The following CETP variants were observed in gnomAD, a reference collection of about 807,000 sequenced individuals.
The protein encoded by CETP is cholesteryl ester transfer protein.
In CETP, 56 loss-of-function variants were observed where a neutral mutation model predicts 66.5. The ratio of observed to expected loss-of-function variants is 0.84; its 90% CI spans 0.68 to 1.05. The LOEUF is 1.05. CETP is among the 50% of genes least tolerant of loss of function. CETP has a pLI of 0.00. For synonymous variants in CETP, 251 were observed against 245.7 expected (o/e 1.02, Z -0.20); for missense variants, 612 against 609.6 (o/e 1.00, Z -0.04).
chr16:56,964,657 C>T (rs2056052921), intron 2 of CETP, among the ~76,000 whole-genome samples: 1 of 151,860 alleles, frequency 6.6e-6, no homozygotes, highest in Admixed American at 6.5e-5. Context: ...GTCTCTGCTA[C>T]CCGCGCACAT....
chr16:56,983,523 C>A lies in CETP; in HGVS notation c.1408-69C>A, dbSNP rs1778057560. 2.5e-6 allele frequency: 4 copies of A among 1,596,074 alleles called. No individual in the cohort carries two copies. In the African/African-American group the frequency reaches 4.0e-5, roughly 16 times the overall value. ...AGACAGACAGAGGGGCCTCTACCAG[C>A]TTGGCTCCCTCCTGGTGGCCTGGGA... is the stretch of plus-strand genomic sequence containing the variant. On this transcript the variant is annotated intron_variant, in intron 15 of 15. Transcript: ENST00000200676.
intron 10 of CETP, among the ~76,000 whole-genome samples, chr16:56,976,457 A>G (rs2056150606): frequency 6.7e-6 from 1 of 150,336 alleles, no homozygotes; most frequent in African/African-American, 2.4e-5. Context: ...AGCTCTAGAA[A>G]TTTCTTTTCT....
chr16:56,963,209 A>T, intron 2 of CETP, 85 bp downstream of exon 2: 1 of 1,089,152 alleles, frequency 9.2e-7, no homozygotes, highest in Non-Finnish European at 1.4e-6. Flanking sequence ...CACAGGGAGG[A>T]AAGGCAGCAG....
rs766037201 is a variant in CETP, at chr16:56,969,967, C to T, written c.493C>T (p.His165Tyr). The change falls in exon 5 of 16, where the codon CAT becomes TAT. Residue 165 changes from histidine (H) to tyrosine (Y), a missense_variant. His to Tyr is a moderately conservative substitution (Grantham distance 83). Transcript: ENST00000200676. ...TGCCCCTGACTGCTACCTGTCTTTC[C>T]ATAAGCTGCTCCTGCATCTCCAAGG... ...TDAPDCYLSF[H>Y]KLLLHLQGER... 1 of 1,614,098 alleles carries T rather than the reference C, an allele frequency of 6.2e-7. No individual in the cohort carries two copies.
At chr16:56,972,395 C>A (rs1238069696) in intron 8 of CETP, among the ~76,000 whole-genome samples, 1 of 152,236 alleles carries the variant, frequency 6.6e-6, no homozygotes, top group South Asian at 2.1e-4. Flanking sequence ...TGGCCCCCCC[C>A]CAGGGGGTAC....
At chr16:56,981,766 T>G in intron 13 of CETP, 86 bp downstream of exon 13, 1 of 1,368,250 alleles carries the variant, frequency 7.3e-7, no homozygotes. Flanking sequence ...CTAAAGGAAA[T>G]CAGGCAACCA....
chr16:56,970,099 G>C, intron 5 of CETP, 98 bp downstream of exon 5: 1 of 1,194,422 alleles, frequency 8.4e-7, no homozygotes, highest in Non-Finnish European at 1.2e-6. Flanking sequence ...GGGCATGCTT[G>C]TGGGTGGCCA....
chr16:56,971,874 A>T, intron 7 of CETP, 118 bp from the exon 8 acceptor site: 1 of 892,502 alleles, frequency 1.1e-6, no homozygotes, highest in South Asian at 1.3e-5. Flanking sequence ...CCCAGGTCCC[A>T]CTTTACAGAG....
intron 9 of CETP, among the ~76,000 whole-genome samples, chr16:56,973,855 C>T (rs1274174485): frequency 6.6e-6 from 1 of 152,220 alleles, no homozygotes. Context: ...GCTCACAACT[C>T]TAAGGGGGTC....
chr16:56,972,713 C>T (rs1319373281), intron 8 of CETP, among the ~76,000 whole-genome samples: 1 of 152,194 alleles, frequency 6.6e-6, no homozygotes, highest in East Asian at 1.9e-4. Flanking sequence ...GCAAGGGAAA[C>T]TGAGGAATTT....
At chr16:56,968,393 G>T (rs1304075906) in intron 2 of CETP, among the ~76,000 whole-genome samples, 1 of 152,000 alleles carries the variant, frequency 6.6e-6, no homozygotes, top group Non-Finnish European at 1.5e-5. Context: ...CACCATGTTG[G>T]CCAGGCTGGT....
At chr16:56,969,284 C>A in intron 2 of CETP, 102 bp from the exon 3 acceptor site, 1 of 1,477,924 alleles carries the variant, frequency 6.8e-7, no homozygotes, top group Non-Finnish European at 9.4e-7. Flanking sequence ...TTTTGGGGGC[C>A]ATGATTCTAT....
At chr16:56,962,487 G>A in intron 1 of CETP, 1 of 441,266 alleles carries the variant, frequency 2.3e-6, no homozygotes. Flanking sequence ...GTCAGGGGTT[G>A]CCATGAGCTC....
At position 56,983,344 on chromosome 16, in the gene CETP, C is replaced by T. The variant is rs2056201767; in HGVS notation, c.1340C>T (p.Thr447Ile). 1.9e-6 allele frequency: 3 copies of T among 1,614,202 alleles called. No homozygotes were observed. The highest frequency in any genetic ancestry group is 2.5e-6 in the Non-Finnish European group (3 of 1,180,002). ...EVMSRLEVVF[T>I]ALMNSKGVSL... Reference sequence around the variant, plus strand: ...GCCCCAGGGCTCGAGGTAGTGTTTACAGCCCTCATGAACAGCAAAGGCGTG... The same window carrying T: ...GCCCCAGGGCTCGAGGTAGTGTTTATAGCCCTCATGAACAGCAAAGGCGTG... Residue 447 changes from threonine (T) to isoleucine (I), a missense_variant, in exon 15 of 16, where the codon ACA (threonine) becomes ATA (isoleucine). Coordinates refer to ENST00000200676, the MANE Select transcript of CETP (RefSeq NM_000078.3).
At chr16:56,980,890 C>G (rs2056182411) in intron 11 of CETP, among the ~76,000 whole-genome samples, 2 of 152,162 alleles carry the variant, frequency 1.3e-5, no homozygotes, top group African/African-American at 4.8e-5. Context: ...CCACTGCCCT[C>G]CAGCCTGGGC....
chr16:56,972,365 T>C (rs1266450156), intron 8 of CETP, among the ~76,000 whole-genome samples: 5 of 146,206 alleles, frequency 3.4e-5, no homozygotes, highest in Non-Finnish European at 7.5e-5. Context: ...GCTTCTGTCA[T>C]CCTCTACAGC....
At position 56,983,654 on chromosome 16, in the gene CETP, G is replaced by A. The variant is rs148336647; in HGVS notation, c.1470G>A (p.Gln490=). 3.1e-6 allele frequency: 5 copies of A among 1,614,080 alleles called. No individual in the cohort carries two copies. In the African/African-American group the frequency reaches 5.3e-5, roughly 17 times the overall value. ...AGCACCTGCTGGTGGATTTCCTCCA[G>A]AGCTTGAGCTAGAAGTCTCCAAGGA... ...FPEHLLVDFL[Q]SLS is the part of the protein sequence containing the mutation. Residue 490 remains glutamine (Q), a synonymous_variant, in exon 16 of 16, where the codon CAG becomes CAA. Coordinates refer to ENST00000200676, the MANE Select transcript of CETP (RefSeq NM_000078.3).
In CETP at chr16:56,972,058, C is replaced by T. The variant is rs1453252470; in HGVS notation, c.725C>T (p.Ala242Val). 6.2e-7 allele frequency: 1 copy of T among 1,613,928 alleles called. No individual in the cohort carries two copies. The highest frequency in any genetic ancestry group is 8.5e-7 in the Non-Finnish European group (1 of 1,179,896). Reference sequence around the variant, plus strand: ...CTGACAGGTGATCCCGTCATCACAGCCTCCTACCTGGAGTCCCATCACAAG... The same window carrying T: ...CTGACAGGTGATCCCGTCATCACAGTCTCCTACCTGGAGTCCCATCACAAG... Reference protein sequence around the residue: ...ISLTGDPVITASYLESHHKGH... With the variant: ...ISLTGDPVITVSYLESHHKGH... Residue 242 changes from alanine to valine, a missense_variant, in exon 8 of 16, where the codon GCC becomes GTC. Transcript: ENST00000200676.
At chr16:56,978,611 G>C (rs1341115182) in intron 11 of CETP, among the ~76,000 whole-genome samples, 1 of 151,628 alleles carries the variant, frequency 6.6e-6, no homozygotes, top group African/African-American at 2.4e-5. Flanking sequence ...CTCCTGAGTA[G>C]CTGGGACCAC....
Sources: gnomAD v4.1 joint callset for allele counts (sites outside exome capture counted in the v4.1 genomes callset) on GRCh38, gnomAD v4.1.1 for gene constraint, MANE v1.5 for transcripts, NCBI Gene and HGNC (gene_info 2026-07-23, HGNC 2026-07-21) for gene names.